Variants in ATP11C observed in about 807,000 individuals in gnomAD.
ATP11C encodes phospholipid-transporting ATPase IG.
A neutral mutation model predicts 97.4 loss-of-function variants in ATP11C; 36 were observed. The observed-to-expected ratio is 0.37, with a 90% CI of 0.28 to 0.49. The LOEUF (loss-of-function observed/expected upper bound fraction) is 0.49. Among genes scored for constraint, ATP11C ranks in the 20% least tolerant of loss-of-function variants. The pLI, the probability that ATP11C is intolerant of heterozygous loss-of-function variation, is 0.98. For synonymous variants in ATP11C, 275 were observed against 290.9 expected (o/e 0.95, Z 0.56); for missense variants, 730 against 824.6 (o/e 0.89, Z 1.40).
intron 1 of ATP11C, among the ~76,000 whole-genome samples, chrX:139,857,438 T>TACCTGCTCCACCCTGACTCATTCCGATC (rs2084110012): frequency 8.9e-6 from 1 of 111,743 alleles, no homozygotes; most frequent in Non-Finnish European, 1.9e-5. Flanking sequence ...CTTTTTCGAT[T>TACCTGCTCCACCCTGACTCATTCCGATC]ACCTGCTCCA....
intron 1 of ATP11C, among the ~76,000 whole-genome samples, chrX:139,919,265 C>T (rs1310635549): frequency 9.2e-6 from 1 of 108,114 alleles, no homozygotes; most frequent in Non-Finnish European, 1.9e-5. Flanking sequence ...ACATGGCTGG[C>T]GTAGTGGCTC....
chrX:139,915,966 C>T (rs928771709), intron 1 of ATP11C, among the ~76,000 whole-genome samples: 3 of 111,577 alleles, frequency 2.7e-5, no homozygotes, highest in African/African-American at 9.8e-5. Flanking sequence ...CGGTGGCTCA[C>T]GTCTGTAATC....
intron 1 of ATP11C, among the ~76,000 whole-genome samples, chrX:139,861,468 T>C (rs761510184): frequency 3.3e-4 from 37 of 111,402 alleles, no homozygotes; most frequent in African/African-American, 1.2e-3. Context: ...ATTAATAATA[T>C]TTAACATTTA....
chrX:139,786,988 A>C (rs977387904), intron 15 of ATP11C, among the ~76,000 whole-genome samples, 185 bp downstream of exon 15: 1 of 111,710 alleles, frequency 9.0e-6, no homozygotes, highest in Admixed American at 9.5e-5. Context: ...TCCACCTCAA[A>C]CTCCAGTTTC....
rs772266768 is a variant in ATP11C, at chrX:139,900,521, T to C, written c.27+31495A>G. ...AATTAAAACCCTCCAACAGTTACTA[T>C]AGAATCCTGGACTTATATGGCAGTA... On this transcript the variant is annotated intron_variant, in intron 1 of 29. Coordinates refer to ENST00000682941, the MANE Select transcript of ATP11C (RefSeq NM_001353812.2). 3.6e-5 allele frequency among the ~76,000 whole-genome samples: 4 copies of C among 112,136 alleles called. No individual in the cohort carries two copies. The South Asian group carries it at 1.1e-3, about 31-fold the overall frequency.
chrX:139,910,431 C>T (rs976045532), intron 1 of ATP11C, among the ~76,000 whole-genome samples: 5 of 110,014 alleles, frequency 4.5e-5, no homozygotes, highest in Non-Finnish European at 9.5e-5. Context: ...ATGGTGAAAT[C>T]CAATCTCTAC....
chrX:139,743,537 C>T, intron 26 of ATP11C, 22 bp downstream of exon 26: 1 of 1,044,245 alleles, frequency 9.6e-7, no homozygotes, highest in South Asian at 2.1e-5. Context: ...TTAAAAAATA[C>T]ATGAATAAGT....
At chrX:139,875,320 GCGTAGTGCCTCACAC>G (rs1485422899) in intron 1 of ATP11C, among the ~76,000 whole-genome samples, 10 of 107,606 alleles carry the variant, frequency 9.3e-5, no homozygotes, top group Non-Finnish European at 1.9e-4. Flanking sequence ...ATTTGGCCAG[GCGTAGTGCCTCACAC>G]CTGTAATCCC....
intron 22 of ATP11C, among the ~76,000 whole-genome samples, chrX:139,760,189 A>G (rs1006107579): frequency 1.8e-5 from 2 of 112,047 alleles, no homozygotes; most frequent in Non-Finnish European, 3.8e-5. Context: ...TCTACTTTCC[A>G]TGTATTTTAA....
intron 1 of ATP11C, among the ~76,000 whole-genome samples, chrX:139,862,206 TCCA>T (rs769451691): frequency 9.0e-6 from 1 of 110,957 alleles, no homozygotes; most frequent in South Asian, 3.8e-4. Context: ...TCATGGAGAC[TCCA>T]CTCTCCTTCC....
intron 1 of ATP11C, among the ~76,000 whole-genome samples, chrX:139,852,817 G>A (rs1395991565): frequency 1.8e-5 from 2 of 110,731 alleles, no homozygotes; most frequent in Admixed American, 1.9e-4. Flanking sequence ...AGCCAGAGAG[G>A]ACAGCACGAG....
At chrX:139,931,831 G>A (rs1334126154) in intron 1 of ATP11C, among the ~76,000 whole-genome samples, 185 bp downstream of exon 1, 1 of 109,453 alleles carries the variant, frequency 9.1e-6, no homozygotes, top group Non-Finnish European at 1.9e-5. Context: ...GGGATACCCC[G>A]AGAGCCCTAC....
chrX:139,841,868 T>C (rs1342884187), intron 1 of ATP11C, among the ~76,000 whole-genome samples: 1 of 112,242 alleles, frequency 8.9e-6, no homozygotes, highest in African/African-American at 3.2e-5. Flanking sequence ...TTTTTTTAAG[T>C]GATTTCCCTA....
Position 139,897,670 on chromosome X carries a change from C to CAA in ATP11C, c.27+34344_27+34345dup, listed in dbSNP as rs750202200. ...TGGGCAACAGAGTAAGACTCTGTCT[C>CAA]AAAAAAAAAAAAAAGAAAAAAGAAA... On this transcript the variant is annotated intron_variant, in intron 1 of 29. Transcript: ENST00000682941. 6.3e-3 allele frequency among the ~76,000 whole-genome samples: 487 copies of CAA among 77,133 alleles called. 3 individuals carry two copies. Among genetic ancestry groups the CAA allele is most frequent in the African/African-American group, 0.011 (220 of 20,868 alleles). The allele number at this position is 77,133 out of a possible 115,157, so 67.0% of individuals were successfully genotyped here.
chrX:139,774,828 G>T lies in ATP11C; in HGVS notation c.2078C>A (p.Thr693Asn). 8.3e-7 allele frequency: 1 copy of T among 1,211,539 alleles called. No homozygotes were observed. Among genetic ancestry groups the T allele is most frequent in the Non-Finnish European group, 1.1e-6 (1 of 895,492 alleles). The change falls in exon 19 of 30, where the codon ACC (threonine) becomes AAC (asparagine). Residue 693 changes from threonine to asparagine, a missense_variant. Physicochemically the swap from Thr to Asn is moderately conservative, Grantham distance 65. Transcript: ENST00000682941. Reference sequence around the variant, plus strand: ...GGTTAGTTCTAAGAGCTCAGTGTTGGTCTGGAAAAGGCGGCAGGCATAGCA... The same window carrying T: ...GGTTAGTTCTAAGAGCTCAGTGTTGTTCTGGAAAAGGCGGCAGGCATAGCA... ...STCYACRLFQ[T>N]NTELLELTTK...
chrX:139,863,666 A>T (rs918949511), intron 1 of ATP11C, among the ~76,000 whole-genome samples: 1 of 112,322 alleles, frequency 8.9e-6, no homozygotes, highest in South Asian at 3.7e-4. Context: ...ATACTGCTCC[A>T]GAGTTAGAGT....
intron 18 of ATP11C, 81 bp downstream of exon 18, chrX:139,782,466 C>G (rs189200326): frequency 3.1e-6 from 2 of 655,196 alleles, no homozygotes; most frequent in Non-Finnish European, 4.4e-6. Context: ...TTTCAAACTT[C>G]GAGATTAAAT....
At chrX:139,887,949 C>A (rs1297410342) in intron 1 of ATP11C, among the ~76,000 whole-genome samples, 3 of 92,901 alleles carry the variant, frequency 3.2e-5, no homozygotes, top group African/African-American at 4.3e-5. Flanking sequence ...CCAGCCTGGG[C>A]GATAGAGCAA....
chrX:139,733,079 C>T (rs1217920854), intron 28 of ATP11C, among the ~76,000 whole-genome samples: 2 of 111,891 alleles, frequency 1.8e-5, no homozygotes, highest in Non-Finnish European at 3.8e-5. Flanking sequence ...TCCCATTTGC[C>T]TCTGACCAAT....
Sources: gnomAD v4.1 joint callset for allele counts (sites outside exome capture counted in the v4.1 genomes callset) on GRCh38, gnomAD v4.1.1 for gene constraint, MANE v1.5 for transcripts, NCBI Gene and HGNC (gene_info 2026-07-23, HGNC 2026-07-21) for gene names.